The following ADARB2 variants were observed in gnomAD, a reference collection of about 807,000 sequenced individuals.
The protein encoded by ADARB2 is inactive double-stranded RNA-specific editase B2.
ADARB2 carries 25 observed loss-of-function variants against 62.2 expected under a neutral mutation model. The observed-to-expected ratio is 0.40, with a 90% CI of 0.29 to 0.56. The LOEUF is 0.56. ADARB2 is among the 20% of genes least tolerant of loss of function. ADARB2 has a pLI of 0.43. For missense variants in ADARB2, 1,071 were observed against 1,077.4 expected, an observed-to-expected ratio of 0.99 and a Z score of 0.08; for synonymous variants, 572 against 500.8, an observed-to-expected ratio of 1.14 and a Z score of -1.90.
chr10:1,385,314 T>C (rs1284349788), intron 1 of ADARB2, among the ~76,000 whole-genome samples: 1 of 151,966 alleles, frequency 6.6e-6, no homozygotes, highest in South Asian at 2.1e-4. Context: ...ATAGTCGAAG[T>C]AAAAAGATCT....
At chr10:1,422,515 C>T (rs1832860363) in intron 1 of ADARB2, among the ~76,000 whole-genome samples, 1 of 152,150 alleles carries the variant, frequency 6.6e-6, no homozygotes, top group African/African-American at 2.4e-5. Flanking sequence ...TGTGGCTGAG[C>T]TGACGGCACT....
At chr10:1,608,566 A>G (rs1434805896) in intron 1 of ADARB2, among the ~76,000 whole-genome samples, 1 of 149,836 alleles carries the variant, frequency 6.7e-6, no homozygotes, top group Non-Finnish European at 1.5e-5. Context: ...AGAAAGACAG[A>G]AGGAGGGAAG....
chr10:1,574,125 C>T lies in ADARB2; in HGVS notation c.100+162926G>A, dbSNP rs189885414. Among the ~76,000 whole-genome samples the T allele has an allele frequency of 6.2e-4, 95 of 152,330 alleles. 1 individual carries two copies. The East Asian group carries it at 0.017, about 27-fold the overall frequency. ...GGCTGCAAATCATGGAAGGTGGCGT[C>T]CTTCCCTCCCGCCTCCCAGCTGAGC... On this transcript the variant is annotated intron_variant, in intron 1 of 9. Transcript: ENST00000381312.
chr10:1,304,841 C>A (rs1407104188), intron 3 of ADARB2, among the ~76,000 whole-genome samples: 26 of 148,618 alleles, frequency 1.7e-4, no homozygotes, highest in African/African-American at 4.9e-4. Flanking sequence ...GAACAAAGAC[C>A]CAACATACCA....
intron 1 of ADARB2, among the ~76,000 whole-genome samples, chr10:1,708,999 T>C (rs1038890329): frequency 6.6e-6 from 1 of 152,134 alleles, no homozygotes. Flanking sequence ...GGGAACATTT[T>C]AAATATGGAG....
intron 1 of ADARB2, among the ~76,000 whole-genome samples, chr10:1,720,711 G>A (rs765917666): frequency 2.6e-5 from 4 of 152,138 alleles, no homozygotes; most frequent in East Asian, 3.9e-4. Flanking sequence ...AGGAGCATGC[G>A]GGGGCCTCTG....
At chr10:1,602,765 ACACACACATC>A (rs1431864778) in intron 1 of ADARB2, among the ~76,000 whole-genome samples, 1 of 151,770 alleles carries the variant, frequency 6.6e-6, no homozygotes, top group African/African-American at 2.4e-5. Context: ...ACCTGTACAT[ACACACACATC>A]CACATACATC....
chr10:1,504,356 A>G (rs1047327233), intron 1 of ADARB2, among the ~76,000 whole-genome samples: 3 of 152,004 alleles, frequency 2.0e-5, no homozygotes, highest in African/African-American at 7.2e-5. Context: ...TTTTTCCAAC[A>G]CTCAGCCCAC....
chr10:1,437,265 C>CACACA (rs1331359833), intron 1 of ADARB2, among the ~76,000 whole-genome samples: 8 of 20,814 alleles, frequency 3.8e-4, no homozygotes, highest in Non-Finnish European at 6.3e-4. Context: ...CACACACACA[C>CACACA]ATGCACATAT....
chr10:1,390,267 G>A (rs982694396), intron 1 of ADARB2, among the ~76,000 whole-genome samples: 2 of 152,194 alleles, frequency 1.3e-5, no homozygotes, highest in Non-Finnish European at 2.9e-5. Context: ...TCAGCACTCC[G>A]TGGAGAAAGC....
At chr10:1,473,026 G>A (rs139963435) in intron 1 of ADARB2, among the ~76,000 whole-genome samples, 7 of 152,294 alleles carry the variant, frequency 4.6e-5, no homozygotes, top group East Asian at 1.9e-4. Context: ...GGGCTCAGGC[G>A]TGCACATGTG....
At chr10:1,368,416 T>G (rs551913806) in intron 2 of ADARB2, among the ~76,000 whole-genome samples, 19 of 152,220 alleles carry the variant, frequency 1.2e-4, no homozygotes, top group Admixed American at 1.2e-3. Flanking sequence ...CTCGCCCACC[T>G]TGCTTCTCTC....
At chr10:1,405,425 T>C (rs1039450217) in intron 1 of ADARB2, among the ~76,000 whole-genome samples, 1 of 151,954 alleles carries the variant, frequency 6.6e-6, no homozygotes, top group East Asian at 1.9e-4. Flanking sequence ...TGGTCAGGAG[T>C]TCGGGACCAG....
At chr10:1,591,706 T>A (rs986001402) in intron 1 of ADARB2, among the ~76,000 whole-genome samples, 2 of 151,572 alleles carry the variant, frequency 1.3e-5, no homozygotes, top group African/African-American at 4.9e-5. Context: ...CCCCCCCACC[T>A]GCCGCCGTCT....
intron 1 of ADARB2, among the ~76,000 whole-genome samples, chr10:1,647,402 CAT>C (rs756783122): frequency 1.4e-4 from 20 of 143,926 alleles, no homozygotes; most frequent in Middle Eastern, 3.6e-3. Flanking sequence ...CATGTGCATA[CAT>C]GTGTGTGCAT....
At chr10:1,517,716 G>T (rs767214936) in intron 1 of ADARB2, among the ~76,000 whole-genome samples, 4 of 152,178 alleles carry the variant, frequency 2.6e-5, no homozygotes, top group Non-Finnish European at 4.4e-5. Flanking sequence ...GCGACTGTGA[G>T]AGTCCATTTT....
At chr10:1,305,281 C>T (rs1465533108) in intron 3 of ADARB2, among the ~76,000 whole-genome samples, 1 of 149,790 alleles carries the variant, frequency 6.7e-6, no homozygotes, top group East Asian at 2.0e-4. Context: ...CACCTCTACG[C>T]AAATAAACTA....
At chr10:1,667,709 GA>G (rs143144783) in intron 1 of ADARB2, among the ~76,000 whole-genome samples, 1,856 of 152,278 alleles carry the variant, frequency 0.012, 21 homozygotes, top group East Asian at 0.042. Context: ...AAACAAGCAA[GA>G]AATGCTGCTC....
chr10:1,659,378 C>G (rs537398665), intron 1 of ADARB2, among the ~76,000 whole-genome samples: 2 of 152,258 alleles, frequency 1.3e-5, no homozygotes, highest in Admixed American at 6.5e-5. Flanking sequence ...AAGGCCGGAG[C>G]CAGGCACAGG....
Sources: gnomAD v4.1 joint callset for allele counts (sites outside exome capture counted in the v4.1 genomes callset) on GRCh38, gnomAD v4.1.1 for gene constraint, MANE v1.5 for transcripts, NCBI Gene and HGNC (gene_info 2026-07-23, HGNC 2026-07-21) for gene names.